The following KIRREL3 variants were observed in gnomAD, a reference collection of about 807,000 sequenced individuals.
KIRREL3 encodes the protein kin of IRRE-like protein 3.
A neutral mutation model predicts 89.7 loss-of-function variants in KIRREL3; 36 were observed. The observed-to-expected ratio is 0.40, with a 90% CI of 0.31 to 0.53. The LOEUF is 0.53. KIRREL3 is among the 20% of genes least tolerant of loss of function. The pLI is 0.49. For missense variants in KIRREL3, 864 were observed against 1,056.6 expected, an observed-to-expected ratio of 0.82 and a Z score of 2.53; for synonymous variants, 445 against 441.4, an observed-to-expected ratio of 1.01 and a Z score of -0.10.
chr11:126,727,345 G>A (rs1441106812), intron 1 of KIRREL3, among the ~76,000 whole-genome samples: 1 of 152,236 alleles, frequency 6.6e-6, no homozygotes, highest in Non-Finnish European at 1.5e-5. Context: ...CCCTCGGAAA[G>A]TGTTCCCCAC....
At chr11:126,774,156 G>A (rs939804938) in intron 1 of KIRREL3, among the ~76,000 whole-genome samples, 99 of 130,436 alleles carry the variant, frequency 7.6e-4, no homozygotes, top group Middle Eastern at 3.8e-3. Context: ...AATAAGTAGA[G>A]AGTAAAGCTT....
intron 1 of KIRREL3, among the ~76,000 whole-genome samples, chr11:126,659,896 C>G (rs912638249): frequency 2.6e-5 from 4 of 152,040 alleles, no homozygotes; most frequent in Admixed American, 2.6e-4. Context: ...AAAGGCAACT[C>G]GAAAACTTGC....
In KIRREL3 at chr11:126,669,403, T is replaced by A. The variant is rs1945833441; in HGVS notation, c.56-106491A>T. Among the ~76,000 whole-genome samples, 1 of 152,246 alleles carries A rather than the reference T, an allele frequency of 6.6e-6. No homozygotes were observed. Among genetic ancestry groups the A allele is most frequent in the African/African-American group, 2.4e-5 (1 of 41,474 alleles). ...GTCCTCTAGAAAACTTTTCCCTATTTAATCCCATGTATTTTTAACCCACTA... is the reference window on the plus strand; with the variant it reads ...GTCCTCTAGAAAACTTTTCCCTATTAAATCCCATGTATTTTTAACCCACTA... On this transcript the variant is annotated intron_variant, in intron 1 of 16. Transcript: ENST00000525144. The surrounding 1 kb of genome is among the most constrained non-coding windows in gnomAD (Gnocchi z 5.0).
chr11:126,939,260 C>T (rs1948335894), intron 1 of KIRREL3, among the ~76,000 whole-genome samples: 1 of 152,212 alleles, frequency 6.6e-6, no homozygotes, highest in South Asian at 2.1e-4. Flanking sequence ...TGGGCAACAT[C>T]ATCTATCTCC....
At chr11:126,974,904 A>G (rs1949526501) in intron 1 of KIRREL3, among the ~76,000 whole-genome samples, 1 of 152,006 alleles carries the variant, frequency 6.6e-6, no homozygotes, top group Non-Finnish European at 1.5e-5. Flanking sequence ...GCTTAATGTG[A>G]CTTATTTATT....
chr11:126,443,753 G>A lies in KIRREL3; in HGVS notation c.1252+1226C>T, dbSNP rs778976280. Among the ~76,000 whole-genome samples, 16 of 152,162 alleles carry A rather than the reference G, an allele frequency of 1.1e-4. No individual in the cohort carries two copies. Among genetic ancestry groups the A allele is most frequent in the African/African-American group, 1.4e-4 (6 of 41,434 alleles). ...GGGTAGAGAGGAAGCTGAAGCCCAC[G>A]AGCTAATTTGGAGACCTCAGGAGGG... On this transcript the variant is annotated intron_variant, in intron 10 of 16. Coordinates refer to ENST00000525144, the MANE Select transcript of KIRREL3 (RefSeq NM_032531.4). The surrounding 1 kb of genome is among the most constrained non-coding windows in gnomAD (Gnocchi z 7.3).
rs541724387 is a variant in KIRREL3 at position 126,685,918 on chromosome 11, A to C, written c.56-123006T>G. Among the ~76,000 whole-genome samples the C allele has an allele frequency of 1.2e-3, 182 of 152,262 alleles. 4 individuals carry two copies. In the South Asian group the frequency reaches 0.028, roughly 23 times the overall value. ...TTCACGTGGCATCCTGTGCCTGCTC[A>C]ATGCTGAATCTGCTTCCCATGTGCA... On this transcript the variant is annotated intron_variant, in intron 1 of 16. Coordinates refer to ENST00000525144, the MANE Select transcript of KIRREL3 (RefSeq NM_032531.4). The surrounding 1 kb of genome is among the most constrained non-coding windows in gnomAD (Gnocchi z 5.5).
In KIRREL3 at chr11:126,802,361, G is replaced by T. The variant is rs893917768; in HGVS notation, c.55+198094C>A. On this transcript the variant is annotated intron_variant, in intron 1 of 16. Transcript: ENST00000525144. This position sits in a 1 kb window ranked among gnomAD's most constrained non-coding sequence, Gnocchi z 5.2. Reference sequence around the variant, plus strand: ...AGGCGGCCCGTGGAGAAAAGCTTTCGCTATACTGAAGGTCTGTGAATAATG... The same window carrying T: ...AGGCGGCCCGTGGAGAAAAGCTTTCTCTATACTGAAGGTCTGTGAATAATG... Among the ~76,000 whole-genome samples the T allele has an allele frequency of 2.0e-5, 3 of 152,248 alleles. No homozygotes were observed. The highest frequency in any genetic ancestry group is 2.0e-4 in the Admixed American group (3 of 15,294).
In KIRREL3 at chr11:126,570,207, C is replaced by T. The variant is rs1565559414; in HGVS notation, c.56-7295G>A. 6.6e-6 allele frequency among the ~76,000 whole-genome samples: 1 copy of T among 152,148 alleles called. No homozygotes were observed. On this transcript the variant is annotated intron_variant, in intron 1 of 16. Transcript: ENST00000525144. This position sits in a 1 kb window ranked among gnomAD's most constrained non-coding sequence, Gnocchi z 6.1. ...TGCTAATTCTAAGTTTACTAAATAA[C>T]TATAAACTTTACGTTGTTGTAAAGA...
In KIRREL3 at chr11:126,991,595, C is replaced by T. The variant is rs939336613; in HGVS notation, c.55+8860G>A. 3.9e-5 allele frequency among the ~76,000 whole-genome samples: 6 copies of T among 152,046 alleles called. No individual in the cohort carries two copies. The highest frequency in any genetic ancestry group is 7.3e-5 in the Non-Finnish European group (5 of 68,034). Reference sequence around the variant, plus strand: ...TATTTCCTCTGGAAACTTTGTACCCCGAGGTAAAACTGAATGCCAGAAAGA... The same window carrying T: ...TATTTCCTCTGGAAACTTTGTACCCTGAGGTAAAACTGAATGCCAGAAAGA... On this transcript the variant is annotated intron_variant, in intron 1 of 16. Coordinates refer to ENST00000525144, the MANE Select transcript of KIRREL3 (RefSeq NM_032531.4). The surrounding 1 kb of genome is among the most constrained non-coding windows in gnomAD (Gnocchi z 5.8).
intron 1 of KIRREL3, among the ~76,000 whole-genome samples, chr11:126,592,884 C>T (rs140339540): frequency 1.2e-4 from 19 of 152,170 alleles, no homozygotes; most frequent in Middle Eastern, 6.8e-3. Context: ...TTGAGAGAAC[C>T]GATGCAGGCT....
Position 126,811,024 on chromosome 11 carries a change from G to A in KIRREL3, c.55+189431C>T, listed in dbSNP as rs559465170. Among the ~76,000 whole-genome samples the A allele has an allele frequency of 3.9e-5, 6 of 152,224 alleles. No homozygotes were observed. In the South Asian group the frequency reaches 8.3e-4, roughly 21 times the overall value. On this transcript the variant is annotated intron_variant, in intron 1 of 16. Coordinates refer to ENST00000525144, the MANE Select transcript of KIRREL3 (RefSeq NM_032531.4). This position sits in a 1 kb window ranked among gnomAD's most constrained non-coding sequence, Gnocchi z 4.3. ...CGGTCTGACAAACCCCATCTGCTTC[G>A]TTCTCTTGGCCACCCAAGCTGTCTG... is the stretch of plus-strand genomic sequence containing the variant.
rs1235243463 is a variant in KIRREL3 at position 126,508,238 on chromosome 11, T to G, written c.433+13077A>C. On this transcript the variant is annotated intron_variant, in intron 4 of 16. Transcript: ENST00000525144. This position sits in a 1 kb window ranked among gnomAD's most constrained non-coding sequence, Gnocchi z 4.9. ...GTGACACATTTTTTGGAAGCCAGTT[T>G]TTTCGGGTTGTGGGACTCAGCTATT... Among the ~76,000 whole-genome samples, 1 of 152,168 alleles carries G rather than the reference T, an allele frequency of 6.6e-6. No individual in the cohort carries two copies. The highest frequency in any genetic ancestry group is 2.4e-5 in the African/African-American group (1 of 41,428).
chr11:126,543,497 G>A (rs959036235), intron 2 of KIRREL3, among the ~76,000 whole-genome samples: 1 of 152,148 alleles, frequency 6.6e-6, no homozygotes. Flanking sequence ...TAGGGTTTGA[G>A]CCATTTGACT....
At chr11:126,889,064 C>T (rs1945806017) in intron 1 of KIRREL3, among the ~76,000 whole-genome samples, 1 of 152,168 alleles carries the variant, frequency 6.6e-6, no homozygotes, top group Admixed American at 6.5e-5. Flanking sequence ...TATGATTGCA[C>T]ACAATAAATA....
At chr11:126,919,565 T>C (rs547920084) in intron 1 of KIRREL3, among the ~76,000 whole-genome samples, 8 of 152,342 alleles carry the variant, frequency 5.3e-5, no homozygotes, top group African/African-American at 1.9e-4. Context: ...ATTCTCTGGC[T>C]GGAGTAGATA....
chr11:127,000,774 T>G, upstream of KIRREL3: 2 of 494,076 alleles, frequency 4.0e-6, no homozygotes, highest in East Asian at 3.3e-5. The surrounding 1 kb of genome is among the most constrained non-coding windows in gnomAD (Gnocchi z 7.1). Flanking sequence ...ATTCTCTGGC[T>G]CTTGGCATCC....
intron 1 of KIRREL3, among the ~76,000 whole-genome samples, chr11:126,973,664 A>G (rs1949493612): frequency 6.6e-6 from 1 of 152,212 alleles, no homozygotes; most frequent in Non-Finnish European, 1.5e-5. Flanking sequence ...GATCTTGGGC[A>G]AGCAACTCAA....
chr11:126,612,651 A>T lies in KIRREL3; in HGVS notation c.56-49739T>A, dbSNP rs767749189. On this transcript the variant is annotated intron_variant, in intron 1 of 16. Transcript: ENST00000525144. This position sits in a 1 kb window ranked among gnomAD's most constrained non-coding sequence, Gnocchi z 4.5. The stretch of plus-strand genomic sequence containing the variant: ...CGCCCCCAAAATAAACCCCACACCC[A>T]TCACTCCCCATTTCTGTCCCCGTCG... Among the ~76,000 whole-genome samples, 1 of 151,982 alleles carries T rather than the reference A, an allele frequency of 6.6e-6. No homozygotes were observed. Among genetic ancestry groups the T allele is most frequent in the Non-Finnish European group, 1.5e-5 (1 of 67,980 alleles).
Sources: gnomAD v4.1 joint callset for allele counts (sites outside exome capture counted in the v4.1 genomes callset) on GRCh38, gnomAD v4.1.1 for gene constraint, Gnocchi (gnomAD v3.1) non-coding constraint, MANE v1.5 for transcripts, NCBI Gene and HGNC (gene_info 2026-07-23, HGNC 2026-07-21) for gene names.